Variants in TSNARE1 observed in about 807,000 individuals in gnomAD.
TSNARE1 encodes the protein t-SNARE domain containing 1, also known as t-SNARE domain-containing protein 1.
A neutral mutation model predicts 62.0 loss-of-function variants in TSNARE1; 49 were observed. The observed-to-expected ratio is 0.79, with a 90% confidence interval of 0.63 to 1.00. The LOEUF is 1.00. Ranked by LOEUF, TSNARE1 falls within the 50% of genes least tolerant of loss-of-function variation. The pLI is 0.00. For synonymous variants in TSNARE1, 328 were observed against 294.4 expected (o/e 1.11, Z -1.17); for missense variants, 755 against 700.1 (o/e 1.08, Z -0.88).
At chr8:142,255,447 C>T (rs1170899751) in intron 12 of TSNARE1, among the ~76,000 whole-genome samples, 4 of 90,142 alleles carry the variant, frequency 4.4e-5, no homozygotes, top group East Asian at 3.3e-4. Flanking sequence ...TCACCATCAC[C>T]ACCACCATCA....
At chr8:142,249,481 C>T (rs373273710) in intron 12 of TSNARE1, among the ~76,000 whole-genome samples, 2 of 152,168 alleles carry the variant, frequency 1.3e-5, no homozygotes, top group African/African-American at 2.4e-5. Flanking sequence ...CCAAGATCCC[C>T]GAGGAGGGCA....
At chr8:142,222,556 T>TCAGC (rs1563755471) in intron 13 of TSNARE1, among the ~76,000 whole-genome samples, 1 of 117,118 alleles carries the variant, frequency 8.5e-6, no homozygotes, top group Non-Finnish European at 1.8e-5. Context: ...ACTCACTCAC[T>TCAGC]CACTCATTCA....
chr8:142,279,183 T>C (rs10109126), intron 11 of TSNARE1, among the ~76,000 whole-genome samples: 38,249 of 152,220 alleles, frequency 0.25, 5,353 homozygotes, highest in African/African-American at 0.37. Context: ...GACTTCTCCC[T>C]GCTGGGACCC....
At chr8:142,217,297 GAAAGAAAA>G (rs1473540317) in intron 13 of TSNARE1, among the ~76,000 whole-genome samples, 2 of 58,718 alleles carry the variant, frequency 3.4e-5, no homozygotes, top group African/African-American at 1.2e-4. Flanking sequence ...AAGAAAGAAA[GAAAGAAAA>G]AGAAAGAAAG....
intron 11 of TSNARE1, among the ~76,000 whole-genome samples, chr8:142,282,410 G>A (rs772238169): frequency 6.6e-5 from 10 of 151,816 alleles, no homozygotes; most frequent in Non-Finnish European, 1.2e-4. Flanking sequence ...TCAGGGTGGG[G>A]CCAGTGTCTA....
chr8:142,331,895 G>A (rs1831105196), intron 4 of TSNARE1, 64 bp from the exon 5 acceptor site: 9 of 1,492,246 alleles, frequency 6.0e-6, no homozygotes, highest in African/African-American at 2.8e-5. Flanking sequence ...GCCCAGCTCT[G>A]CTAACCGCTC....
chr8:142,251,222 A>C lies in TSNARE1; in HGVS notation c.1447-21643T>G, dbSNP rs1039367045. Among the ~76,000 whole-genome samples, 53 of 151,564 alleles carry C rather than the reference A, an allele frequency of 3.5e-4. 1 individual carries two copies. The highest frequency in any genetic ancestry group is 3.0e-3 in the Admixed American group (46 of 15,232). On this transcript the variant is annotated intron_variant, in intron 12 of 13. Coordinates refer to ENST00000524325, the MANE Select transcript of TSNARE1 (RefSeq NM_145003.5). ...GCCTTCCACCAGATTCCCAGTCTCC[A>C]GACCCCGGCCCCCCTGCACACCGCA...
At chr8:142,298,821 C>T (rs1331770227) in intron 10 of TSNARE1, among the ~76,000 whole-genome samples, 1 of 152,164 alleles carries the variant, frequency 6.6e-6, no homozygotes, top group South Asian at 2.1e-4. Context: ...GGAAGCGGTC[C>T]GTCTGCCTCT....
intron 1 of TSNARE1, chr8:142,402,671 C>T (rs1838383704): frequency 6.6e-6 from 1 of 152,468 alleles, no homozygotes; most frequent in African/African-American, 2.4e-5. Context: ...AGGCGGGCTC[C>T]GCTCGTTGAG....
rs1820371485 is a variant in TSNARE1, at chr8:142,275,760, G to A, written c.1364-897C>T. The stretch of plus-strand genomic sequence containing the variant: ...ACTGTGCACCTGCAGTGCCTACCAG[G>A]GCACAGACCTGAGCTGACTTGAGCC... On this transcript the variant is annotated intron_variant, in intron 11 of 13. Transcript: ENST00000524325. 4 of 985,286 alleles carry A rather than the reference G, an allele frequency of 4.1e-6. No homozygotes were observed. The South Asian group carries it at 1.4e-4, about 35-fold the overall frequency. The allele number at this position is 985,286 out of a possible 1,614,324, so 61.0% of individuals were successfully genotyped here.
At chr8:142,297,125 C>G (rs772947015) in intron 10 of TSNARE1, among the ~76,000 whole-genome samples, 1 of 152,202 alleles carries the variant, frequency 6.6e-6, no homozygotes, top group Non-Finnish European at 1.5e-5. Flanking sequence ...AACCAGTGAG[C>G]GGACACGGGC....
chr8:142,403,904 T>A (rs1838491444), upstream of TSNARE1: 1 of 152,176 alleles, frequency 6.6e-6, no homozygotes, highest in Non-Finnish European at 1.5e-5. Context: ...AGCCCCTCGC[T>A]CTCCCGGTGA....
chr8:142,372,695 G>A (rs1382604823), intron 1 of TSNARE1, among the ~76,000 whole-genome samples: 1 of 152,174 alleles, frequency 6.6e-6, no homozygotes, highest in Non-Finnish European at 1.5e-5. Context: ...ATACGCAGAA[G>A]GACCCGGAAC....
intron 9 of TSNARE1, among the ~76,000 whole-genome samples, chr8:142,301,702 G>A (rs778928674): frequency 2.6e-5 from 4 of 152,194 alleles, no homozygotes; most frequent in East Asian, 1.9e-4. Flanking sequence ...AAAAGGCACC[G>A]AGAATGGGCA....
At chr8:142,347,498 G>A (rs1833527847) in intron 2 of TSNARE1, among the ~76,000 whole-genome samples, 1 of 152,184 alleles carries the variant, frequency 6.6e-6, no homozygotes. Flanking sequence ...TCTCTGCACA[G>A]AGACACACTC....
At chr8:142,397,064 G>C (rs2131446971) in intron 1 of TSNARE1, among the ~76,000 whole-genome samples, 1 of 139,094 alleles carries the variant, frequency 7.2e-6, no homozygotes, top group African/African-American at 2.7e-5. Context: ...GCAGCCCGAG[G>C]GTCTCACAGG....
chr8:142,368,846 C>T (rs1835737507), intron 1 of TSNARE1, among the ~76,000 whole-genome samples: 1 of 152,202 alleles, frequency 6.6e-6, no homozygotes, highest in Admixed American at 6.5e-5. Flanking sequence ...TTTGTGAACA[C>T]CCACAGTGGC....
chr8:142,265,172 T>C (rs1819070110), intron 12 of TSNARE1, among the ~76,000 whole-genome samples: 1 of 152,046 alleles, frequency 6.6e-6, no homozygotes, highest in Admixed American at 6.6e-5. Context: ...TGTAGATTCA[T>C]GTCACCAGCA....
chr8:142,298,048 AC>A (rs965961719), intron 10 of TSNARE1, among the ~76,000 whole-genome samples: 10 of 151,508 alleles, frequency 6.6e-5, no homozygotes, highest in Non-Finnish European at 1.3e-4. Flanking sequence ...CCCCCCTGCT[AC>A]CCCCCGTCCG....
Sources: allele counts gnomAD v4.1 joint callset (sites outside exome capture counted in the v4.1 genomes callset), GRCh38; gene constraint gnomAD v4.1.1; transcripts MANE v1.5; gene names NCBI Gene and HGNC (gene_info 2026-07-23, HGNC 2026-07-21).